GRID2: variants seen among roughly 807,000 people sequenced by gnomAD.
GRID2 encodes glutamate ionotropic receptor delta type subunit 2.
GRID2 carries 33 observed loss-of-function variants against 114.8 expected under a neutral mutation model. That is an observed-to-expected ratio of 0.29 (90% CI 0.22 to 0.38). The LOEUF is 0.38. Ranked by LOEUF, GRID2 falls within the 10% of genes least tolerant of loss-of-function variation. The pLI, the probability that GRID2 is intolerant of heterozygous loss-of-function variation, is 1.00. For synonymous variants in GRID2, 505 were observed against 449.9 expected (o/e 1.12, Z -1.55); for missense variants, 1,184 against 1,257.7 (o/e 0.94, Z 0.89).
intron 6 of GRID2, among the ~76,000 whole-genome samples, chr4:93,217,556 T>C (rs1409058843): frequency 6.6e-6 from 1 of 151,992 alleles, no homozygotes; most frequent in Non-Finnish European, 1.5e-5. Context: ...AAAGCCTCTG[T>C]GGTTTTTTTT....
intron 8 of GRID2, among the ~76,000 whole-genome samples, chr4:93,350,079 T>C (rs1197823238): frequency 6.6e-6 from 1 of 152,032 alleles, no homozygotes; most frequent in African/African-American, 2.4e-5. Context: ...GGTAGAACCA[T>C]TTTGTTTAAA....
intron 1 of GRID2, among the ~76,000 whole-genome samples, chr4:92,546,747 A>T (rs546012399): frequency 6.6e-6 from 1 of 152,364 alleles, no homozygotes; most frequent in African/African-American, 2.4e-5. Context: ...TAGCTTTAGG[A>T]TTCCTAGTCT....
At chr4:92,486,225 G>C (rs1022344014) in intron 1 of GRID2, among the ~76,000 whole-genome samples, 1 of 151,234 alleles carries the variant, frequency 6.6e-6, no homozygotes, top group South Asian at 2.1e-4. Flanking sequence ...TAGCTGACCG[G>C]TAATCACCTT....
intron 1 of GRID2, among the ~76,000 whole-genome samples, chr4:92,379,855 G>T (rs894822876): frequency 2.0e-5 from 3 of 152,020 alleles, no homozygotes; most frequent in Non-Finnish European, 4.4e-5. Context: ...CATTTATTCA[G>T]TGTCTTTTAA....
chr4:92,900,180 G>T (rs935211306), intron 2 of GRID2, among the ~76,000 whole-genome samples: 3 of 152,130 alleles, frequency 2.0e-5, no homozygotes, highest in Non-Finnish European at 4.4e-5. Context: ...GTGACACAAA[G>T]TGGCTTTTAA....
chr4:92,892,409 T>G (rs1055347874), intron 2 of GRID2, among the ~76,000 whole-genome samples: 10 of 152,198 alleles, frequency 6.6e-5, no homozygotes, highest in Non-Finnish European at 1.2e-4. Context: ...TAAAAAAAAT[T>G]GAGGGAACTT....
Position 92,461,459 on chromosome 4 carries a change from C to T in GRID2, c.89-128672C>T, listed in dbSNP as rs538171956. ...TGTTGTGTTTGCCATTTTTTTCTAG[C>T]CAAAAACTCTAAGAAACTTGAAATG... On this transcript the variant is annotated intron_variant, in intron 1 of 15. Coordinates refer to ENST00000282020, the MANE Select transcript of GRID2 (RefSeq NM_001510.4). Among the ~76,000 whole-genome samples, 4 of 151,666 alleles carry T rather than the reference C, an allele frequency of 2.6e-5. No homozygotes were observed. The South Asian group carries it at 6.2e-4, about 24-fold the overall frequency.
intron 8 of GRID2, among the ~76,000 whole-genome samples, chr4:93,278,182 T>C (rs925672113): frequency 1.3e-5 from 2 of 151,734 alleles, no homozygotes; most frequent in African/African-American, 4.8e-5. Flanking sequence ...GTTTCCATAG[T>C]AGGTTACTGG....
At chr4:92,990,759 A>G (rs1401744701) in intron 2 of GRID2, among the ~76,000 whole-genome samples, 1 of 152,224 alleles carries the variant, frequency 6.6e-6, no homozygotes, top group Non-Finnish European at 1.5e-5. Context: ...CCTAAATGAA[A>G]GAACAAAAGA....
chr4:93,139,757 C>T (rs1288660194), intron 4 of GRID2, among the ~76,000 whole-genome samples: 2 of 151,856 alleles, frequency 1.3e-5, no homozygotes, highest in Admixed American at 6.6e-5. Flanking sequence ...CACACACACA[C>T]ACACACATTC....
intron 11 of GRID2, among the ~76,000 whole-genome samples, chr4:93,470,351 A>G (rs949747546): frequency 6.6e-6 from 1 of 152,094 alleles, no homozygotes; most frequent in Admixed American, 6.6e-5. Context: ...ACATGCATTT[A>G]CCCCCAGGAA....
intron 2 of GRID2, among the ~76,000 whole-genome samples, chr4:92,750,702 A>G (rs192604410): frequency 6.6e-6 from 1 of 152,344 alleles, no homozygotes; most frequent in East Asian, 1.9e-4. Flanking sequence ...TCTATGTTAC[A>G]AAAAGTGTTT....
At chr4:92,331,565 A>G (rs1726891170) in intron 1 of GRID2, among the ~76,000 whole-genome samples, 1 of 152,180 alleles carries the variant, frequency 6.6e-6, no homozygotes, top group East Asian at 1.9e-4. Context: ...GCAGACACAC[A>G]GTATCTACTA....
At chr4:93,270,166 T>A (rs1302268564) in intron 8 of GRID2, among the ~76,000 whole-genome samples, 1 of 151,420 alleles carries the variant, frequency 6.6e-6, no homozygotes, top group African/African-American at 2.4e-5. Context: ...ATAGTAACTA[T>A]ACCAAAGCAG....
chr4:93,056,286 C>T (rs1727235375), intron 2 of GRID2, among the ~76,000 whole-genome samples: 1 of 151,912 alleles, frequency 6.6e-6, no homozygotes, highest in Non-Finnish European at 1.5e-5. Context: ...TTAGAGGTAG[C>T]TGACCATGGG....
intron 2 of GRID2, among the ~76,000 whole-genome samples, chr4:92,632,606 T>C (rs1730860946): frequency 6.6e-6 from 1 of 151,508 alleles, no homozygotes; most frequent in Non-Finnish European, 1.5e-5. Flanking sequence ...CACTCCAGCC[T>C]GAGCCACGGA....
chr4:92,446,741 T>TAGA (rs1443206907), intron 1 of GRID2, among the ~76,000 whole-genome samples: 102 of 152,362 alleles, frequency 6.7e-4, no homozygotes, highest in African/African-American at 2.4e-3. Context: ...CTTCTAAGTC[T>TAGA]ACAGCCTGTT....
At chr4:92,445,803 C>T (rs962751231) in intron 1 of GRID2, among the ~76,000 whole-genome samples, 1 of 152,132 alleles carries the variant, frequency 6.6e-6, no homozygotes, top group Non-Finnish European at 1.5e-5. Context: ...TTGGTTAGTG[C>T]GTAATTCTAA....
chr4:92,742,072 A>G (rs566254023), intron 2 of GRID2, among the ~76,000 whole-genome samples: 2 of 152,284 alleles, frequency 1.3e-5, no homozygotes, highest in South Asian at 2.1e-4. Flanking sequence ...AATGAATTAT[A>G]CTCTGATATA....
Sources: gnomAD v4.1 joint callset for allele counts (sites outside exome capture counted in the v4.1 genomes callset) on GRCh38, gnomAD v4.1.1 for gene constraint, MANE v1.5 for transcripts, NCBI Gene and HGNC (gene_info 2026-07-23, HGNC 2026-07-21) for gene names.